The following KMT2C variants were observed in gnomAD, a reference collection of about 807,000 sequenced individuals.
KMT2C encodes histone-lysine N-methyltransferase 2C.
In KMT2C, 88 loss-of-function variants were observed where a neutral mutation model predicts 507.9. The observed-to-expected ratio is 0.17, with a 90% CI of 0.15 to 0.21. The LOEUF is 0.21. KMT2C is among the 10% of genes least tolerant of loss of function. The pLI is 1.00. For missense variants in KMT2C, 4,954 were observed against 5,957.8 expected, an observed-to-expected ratio of 0.83 and a Z score of 5.55; for synonymous variants, 2,049 against 2,080.8, an observed-to-expected ratio of 0.98 and a Z score of 0.42.
At chr7:152,188,609 TTTTTTTTTTTTTTTTG>T (rs1330847057) in intron 31 of KMT2C, among the ~76,000 whole-genome samples, 2 of 130,156 alleles carry the variant, frequency 1.5e-5, no homozygotes, top group African/African-American at 3.5e-5. Context: ...TCTTTCCTTT[TTTTTTTTTTTTTTTTG>T]TTTTTGAGAT....
intron 26 of KMT2C, 25 bp downstream of exon 26, chr7:152,202,909 A>C (rs1289466366): frequency 6.5e-7 from 1 of 1,542,786 alleles, no homozygotes; most frequent in Admixed American, 1.8e-5. Context: ...CAAACCATGT[A>C]AAATAATGTA....
chr7:152,317,523 T>A (rs892576031), intron 3 of KMT2C, among the ~76,000 whole-genome samples: 1 of 152,244 alleles, frequency 6.6e-6, no homozygotes, highest in African/African-American at 2.4e-5. Context: ...AATGTGACAA[T>A]AGCACCTCTG....
rs774556435 is a variant in KMT2C at position 152,187,696 on chromosome 7, T to G, written c.4793+19A>C. ...GAAATTAGTGCAATTTAAGTTTCCA[T>G]AGAAAATAAGGCTTGTACCTGGCAT... On this transcript the variant is annotated intron_variant, in intron 32 of 58. Transcript: ENST00000262189. 2 of 1,600,146 alleles carry G rather than the reference T, an allele frequency of 1.2e-6. No homozygotes were observed. The highest frequency in any genetic ancestry group is 1.7e-6 in the Non-Finnish European group (2 of 1,176,240).
At chr7:152,139,163 C>G (rs765849785) in intron 57 of KMT2C, 23 bp downstream of exon 57, 133 of 1,612,140 alleles carry the variant, frequency 8.2e-5, no homozygotes, top group Non-Finnish European at 1.1e-4. Flanking sequence ...AAGCACTCCC[C>G]GTCAGGTTCC....
At chr7:152,161,377 G>A (rs932770389) in intron 43 of KMT2C, among the ~76,000 whole-genome samples, 1 of 152,180 alleles carries the variant, frequency 6.6e-6, no homozygotes, top group African/African-American at 2.4e-5. Flanking sequence ...GCTCTCTAGG[G>A]ACAGCTTTAT....
rs138845109 is a variant in KMT2C at position 152,176,951 on chromosome 7, T to C, written c.8502A>G (p.Glu2834=). 6.2e-7 allele frequency: 1 copy of C among 1,614,192 alleles called. No individual in the cohort carries two copies. Among genetic ancestry groups the C allele is most frequent in the Non-Finnish European group, 8.5e-7 (1 of 1,180,020 alleles). Reference sequence around the variant, plus strand: ...CATTTTTTTCAGTTTCACATTTGGATTCCACCTTAGAATTTGGAGACAGTA... The same window carrying C: ...CATTTTTTTCAGTTTCACATTTGGACTCCACCTTAGAATTTGGAGACAGTA... ...TEVLSPNSKV[E]SKCETEKNDE... is the part of the protein sequence containing the mutation. Residue 2834 remains glutamate, a synonymous_variant, in exon 38 of 59, where the codon GAA becomes GAG. Coordinates refer to ENST00000262189, the MANE Select transcript of KMT2C (RefSeq NM_170606.3).
rs927597056 is a variant in KMT2C at position 152,210,391 on chromosome 7, T to C, written c.3713-2963A>G. ...ATACTATCTATCCAGTCTCCATCTT[T>C]AGTTCTTCACTTTTAATCATGCATG... On this transcript the variant is annotated intron_variant, in intron 23 of 58. Coordinates refer to ENST00000262189, the MANE Select transcript of KMT2C (RefSeq NM_170606.3). Among the ~76,000 whole-genome samples the C allele has an allele frequency of 1.4e-4, 22 of 152,326 alleles. No individual in the cohort carries two copies. The East Asian group carries it at 2.9e-3, about 20-fold the overall frequency.
chr7:152,272,326 A>G (rs2095992208), intron 7 of KMT2C, among the ~76,000 whole-genome samples: 3 of 152,222 alleles, frequency 2.0e-5, no homozygotes, highest in Admixed American at 2.0e-4. Context: ...ATTAAGTAAT[A>G]AAATATTCTA....
At chr7:152,251,476 T>C (rs1352912742) in intron 11 of KMT2C, among the ~76,000 whole-genome samples, 2 of 152,218 alleles carry the variant, frequency 1.3e-5, no homozygotes, top group Non-Finnish European at 2.9e-5. Context: ...AGCAGTTCTA[T>C]TTCCTTTACT....
chr7:152,152,787 C>T lies in KMT2C; in HGVS notation c.12444G>A (p.Pro4148=), dbSNP rs147957197. 11 of 1,613,994 alleles carry T rather than the reference C, an allele frequency of 6.8e-6. No individual in the cohort carries two copies. The highest frequency in any genetic ancestry group is 1.3e-5 in the African/African-American group (1 of 74,894). ...ATCTGGGAGGGTTTGCAGATCCTGG[C>T]GGAGGCCCACGGAGAAGTAAATGCT... ...YRQHLLLRGP[P]PGSANPPRLV... The change falls in exon 49 of 59, where the codon CCG becomes CCA. Residue 4148 remains proline, a synonymous_variant. Coordinates refer to ENST00000262189, the MANE Select transcript of KMT2C (RefSeq NM_170606.3).
At chr7:152,423,261 A>C (rs2097789285) in intron 1 of KMT2C, among the ~76,000 whole-genome samples, 2 of 151,620 alleles carry the variant, frequency 1.3e-5, no homozygotes, top group South Asian at 4.2e-4. Context: ...AATCGCTTGA[A>C]CTCGGGAGGC....
At chr7:152,366,817 G>A (rs1027128477) in intron 1 of KMT2C, 13 of 227,022 alleles carry the variant, frequency 5.7e-5, no homozygotes, top group South Asian at 3.0e-4. Context: ...CGGCCCGGCC[G>A]CCGCCGCCCA....
At chr7:152,366,371 T>C (rs568447145) in intron 1 of KMT2C, among the ~76,000 whole-genome samples, 24 of 152,340 alleles carry the variant, frequency 1.6e-4, no homozygotes, top group Non-Finnish European at 2.9e-4. Context: ...ACATACCACA[T>C]TGGCAGTATG....
intron 1 of KMT2C, among the ~76,000 whole-genome samples, chr7:152,397,916 C>T (rs539256842): frequency 9.2e-5 from 14 of 152,240 alleles, no homozygotes; most frequent in African/African-American, 2.9e-4. Context: ...AATTACCCAG[C>T]CTTGGGTATG....
At chr7:152,390,371 A>G (rs2097482659) in intron 1 of KMT2C, among the ~76,000 whole-genome samples, 1 of 152,254 alleles carries the variant, frequency 6.6e-6, no homozygotes, top group Admixed American at 6.5e-5. Context: ...TTAAATTTTT[A>G]CCAGTTCCAC....
intron 1 of KMT2C, among the ~76,000 whole-genome samples, chr7:152,430,316 GATTA>G (rs1244043789): frequency 7.3e-5 from 11 of 151,426 alleles, no homozygotes; most frequent in Admixed American, 6.6e-4. Context: ...AAAAGGAAGA[GATTA>G]ATCAGCTTTC....
chr7:152,346,931 T>G (rs550536336), intron 2 of KMT2C, among the ~76,000 whole-genome samples: 6 of 152,036 alleles, frequency 3.9e-5, no homozygotes, highest in South Asian at 4.1e-4. Context: ...TAAGAGACCA[T>G]CCTGGCTAAC....
chr7:152,203,921 T>C lies in KMT2C; in HGVS notation c.3962-857A>G, dbSNP rs567374866. Among the ~76,000 whole-genome samples the C allele has an allele frequency of 1.4e-4, 21 of 152,172 alleles. 1 individual carries two copies. The East Asian group carries it at 3.7e-3, about 27-fold the overall frequency. On this transcript the variant is annotated intron_variant, in intron 25 of 58. Transcript: ENST00000262189. Reference sequence around the variant, plus strand: ...GGAACCACAGAAGTAAGCAAAAAAGTAAAAGCTCTCCGAAATTTGCTGAAA... The same window carrying C: ...GGAACCACAGAAGTAAGCAAAAAAGCAAAAGCTCTCCGAAATTTGCTGAAA...
chr7:152,139,190 C>T lies in KMT2C; in HGVS notation c.14530G>A (p.Ala4844Thr), dbSNP rs1469176725. 2 of 1,613,940 alleles carry T rather than the reference C, an allele frequency of 1.2e-6. No individual in the cohort carries two copies. The highest frequency in any genetic ancestry group is 1.7e-6 in the Non-Finnish European group (2 of 1,179,894). The change falls in exon 57 of 59, where the codon GCA becomes ACA. Residue 4844 changes from alanine to threonine, a missense_variant. Ala to Thr is a moderately conservative substitution (Grantham distance 58). Coordinates refer to ENST00000262189, the MANE Select transcript of KMT2C (RefSeq NM_170606.3). ...VIDATLTGGP[A>T]RYINHSCAPN... ...TCAGGTTCCTCGCTGTCTCACCTTG[C>T]GGGCCCTCCTGTGAGCGTCGCGTCA...
Sources: gnomAD v4.1 joint callset for allele counts (sites outside exome capture counted in the v4.1 genomes callset) on GRCh38, gnomAD v4.1.1 for gene constraint, MANE v1.5 for transcripts, NCBI Gene and HGNC (gene_info 2026-07-23, HGNC 2026-07-21) for gene names.